CDH12: variants seen among roughly 807,000 people sequenced by gnomAD.
CDH12 encodes the protein cadherin-12.
A neutral mutation model predicts 74.1 loss-of-function variants in CDH12; 41 were observed. That is an observed-to-expected ratio of 0.55 (90% CI 0.43 to 0.72). CDH12 has a LOEUF of 0.72. CDH12 is among the 30% of genes least tolerant of loss of function. The pLI, the probability that CDH12 is intolerant of heterozygous loss-of-function variation, is 0.00. For missense variants in CDH12, 945 were observed against 977.2 expected (o/e 0.97, Z 0.44); for synonymous variants, 399 against 355.0 (o/e 1.12, Z -1.39).
At chr5:22,512,220 G>A (rs1247998274) in intron 1 of CDH12, among the ~76,000 whole-genome samples, 2 of 152,108 alleles carry the variant, frequency 1.3e-5, no homozygotes, top group Non-Finnish European at 2.9e-5. Context: ...TTAAGTGAAG[G>A]CTGTTAGCTT....
At chr5:21,845,850 T>C (rs1750137478) in intron 7 of CDH12, among the ~76,000 whole-genome samples, 1 of 152,116 alleles carries the variant, frequency 6.6e-6, no homozygotes, top group Non-Finnish European at 1.5e-5. Flanking sequence ...TTGGTAAAAT[T>C]TCCCTTTTAA....
intron 5 of CDH12, among the ~76,000 whole-genome samples, chr5:21,985,890 G>A (rs1284632696): frequency 6.6e-6 from 1 of 152,114 alleles, no homozygotes; most frequent in African/African-American, 2.4e-5. Context: ...CCTGAGTAAT[G>A]TTATGCAAAT....
intron 1 of CDH12, among the ~76,000 whole-genome samples, chr5:22,576,764 G>C (rs1015155681): frequency 6.6e-6 from 1 of 152,088 alleles, no homozygotes. Context: ...GGAGAGAATT[G>C]ATAACTGAGA....
At chr5:22,385,101 T>C (rs952443409) in intron 3 of CDH12, among the ~76,000 whole-genome samples, 2 of 152,132 alleles carry the variant, frequency 1.3e-5, no homozygotes, top group African/African-American at 4.8e-5. Flanking sequence ...ATGTATTGGG[T>C]TAAGTGGTTA....
rs1397021183 is a variant in CDH12 at position 21,999,204 on chromosome 5, A to G, written c.232-23819T>C. The stretch of plus-strand genomic sequence containing the variant: ...TCTTCAAGTATCAATTAAGGTAGAC[A>G]TATTATTCATCATGAGAGAATTACC... On this transcript the variant is annotated intron_variant, in intron 5 of 14. Coordinates refer to ENST00000382254, the MANE Select transcript of CDH12 (RefSeq NM_004061.5). Among the ~76,000 whole-genome samples, 3 of 152,272 alleles carry G rather than the reference A, an allele frequency of 2.0e-5. No individual in the cohort carries two copies. The East Asian group carries it at 5.8e-4, about 29-fold the overall frequency.
chr5:21,926,193 T>C (rs916570147), intron 6 of CDH12, among the ~76,000 whole-genome samples: 23 of 152,194 alleles, frequency 1.5e-4, no homozygotes, highest in African/African-American at 5.5e-4. Flanking sequence ...AGAAATGCAG[T>C]TGAATTTTAT....
chr5:21,867,823 G>A (rs1282242561), intron 6 of CDH12, among the ~76,000 whole-genome samples: 1 of 152,166 alleles, frequency 6.6e-6, no homozygotes, highest in East Asian at 1.9e-4. Context: ...AGCATGATTG[G>A]CTTTTAAATG....
chr5:22,455,273 T>A (rs1025353686), intron 2 of CDH12, among the ~76,000 whole-genome samples: 5 of 152,236 alleles, frequency 3.3e-5, no homozygotes, highest in Admixed American at 6.5e-5. Flanking sequence ...TGGGGAAAAA[T>A]TATTAACATT....
intron 1 of CDH12, among the ~76,000 whole-genome samples, chr5:22,808,752 A>G (rs969616264): frequency 6.1e-5 from 6 of 98,394 alleles, no homozygotes; most frequent in Admixed American, 1.2e-4. Flanking sequence ...GGCATACCCC[A>G]CCACACCTGG....
At chr5:22,063,065 A>G (rs977152822) in intron 5 of CDH12, among the ~76,000 whole-genome samples, 4 of 152,136 alleles carry the variant, frequency 2.6e-5, no homozygotes, top group Non-Finnish European at 5.9e-5. Flanking sequence ...TGGTGATACA[A>G]TTTGCATTTT....
chr5:22,011,791 T>C (rs1737310702), intron 5 of CDH12, among the ~76,000 whole-genome samples: 1 of 152,210 alleles, frequency 6.6e-6, no homozygotes, highest in African/African-American at 2.4e-5. Flanking sequence ...AAAAGATTAA[T>C]ATTCTATGAA....
chr5:22,459,311 T>G (rs910349009), intron 2 of CDH12, among the ~76,000 whole-genome samples: 4 of 152,272 alleles, frequency 2.6e-5, no homozygotes, highest in South Asian at 2.1e-4. Context: ...CTTATTTTAA[T>G]ACCAAAATTA....
chr5:21,892,363 C>T (rs1348710773), intron 6 of CDH12, among the ~76,000 whole-genome samples: 1 of 152,084 alleles, frequency 6.6e-6, no homozygotes, highest in Non-Finnish European at 1.5e-5. Flanking sequence ...GAATGGAATA[C>T]AACTTCCTTT....
intron 3 of CDH12, among the ~76,000 whole-genome samples, chr5:22,323,812 CAT>C (rs1738981445): frequency 6.6e-6 from 1 of 152,086 alleles, no homozygotes; most frequent in East Asian, 1.9e-4. Context: ...GGAGAAGGAA[CAT>C]GTTATACATC....
At chr5:22,336,965 G>A (rs918687951) in intron 3 of CDH12, among the ~76,000 whole-genome samples, 1 of 152,160 alleles carries the variant, frequency 6.6e-6, no homozygotes, top group African/African-American at 2.4e-5. Context: ...TGGGAGGGAG[G>A]CTGTACCCTG....
rs202125770 is a variant in CDH12 at position 22,115,750 on chromosome 5, G to A, written c.-186-36888C>T. 1.6e-3 allele frequency among the ~76,000 whole-genome samples: 232 copies of A among 146,886 alleles called. 2 individuals are homozygous for A. Among genetic ancestry groups the A allele is most frequent in the African/African-American group, 5.6e-3 (221 of 39,430 alleles). On this transcript the variant is annotated intron_variant, in intron 4 of 14. Transcript: ENST00000382254. ...CCCTGTCACCAGGCTGGAATGCAGC[G>A]GTACAATCTCGGCTCACTGAAACCT...
chr5:22,261,636 C>T (rs947956038), intron 3 of CDH12, among the ~76,000 whole-genome samples: 5 of 152,010 alleles, frequency 3.3e-5, no homozygotes, highest in East Asian at 3.9e-4. Flanking sequence ...CTCTAAGTAA[C>T]GCAAATATAA....
At chr5:22,492,440 C>T (rs1217010443) in intron 2 of CDH12, among the ~76,000 whole-genome samples, 1 of 151,814 alleles carries the variant, frequency 6.6e-6, no homozygotes, top group East Asian at 1.9e-4. Flanking sequence ...CTCTGCCACC[C>T]GGGGTCAAGT....
At chr5:22,376,130 T>A (rs1741511969) in intron 3 of CDH12, among the ~76,000 whole-genome samples, 1 of 152,162 alleles carries the variant, frequency 6.6e-6, no homozygotes, top group African/African-American at 2.4e-5. Flanking sequence ...TAAAAATGAA[T>A]AAAATCATGT....
Sources: allele counts gnomAD v4.1 joint callset (sites outside exome capture counted in the v4.1 genomes callset), GRCh38; gene constraint gnomAD v4.1.1; transcripts MANE v1.5; gene names NCBI Gene and HGNC (gene_info 2026-07-23, HGNC 2026-07-21).